POTEB3: variants seen among roughly 807,000 people sequenced by gnomAD.
POTEB3 encodes ANKRD26-like family B member 1.
In POTEB3, 5 loss-of-function variants were observed where a neutral mutation model predicts 39.8. The ratio of observed to expected loss-of-function variants is 0.13; its 90% CI spans 0.07 to 0.26. POTEB3 has a LOEUF of 0.26. POTEB3 is among the 10% of genes least tolerant of loss of function. The pLI, the probability that POTEB3 is intolerant of heterozygous loss-of-function variation, is 1.00. For missense variants in POTEB3, 24 were observed against 475.6 expected (o/e 0.05, Z 8.83); for synonymous variants, 5 against 161.5 (o/e 0.03, Z 7.35).
chr15:21,421,412 G>A, intron 7 of POTEB3, among the ~76,000 whole-genome samples: 2 of 138,680 alleles, frequency 1.4e-5, no homozygotes, highest in Non-Finnish European at 3.1e-5. Context: ...CTGAAATAAG[G>A]TAGAAGGTTA....
At chr15:21,430,866 C>A (rs1338431358) in intron 4 of POTEB3, among the ~76,000 whole-genome samples, 1 of 151,834 alleles carries the variant, frequency 6.6e-6, no homozygotes, top group Non-Finnish European at 1.5e-5. Flanking sequence ...GTTAATGATG[C>A]CAATAAGCAT....
chr15:21,431,319 A>AT (rs1898957257), intron 4 of POTEB3, among the ~76,000 whole-genome samples: 1 of 124,184 alleles, frequency 8.1e-6, no homozygotes, highest in South Asian at 2.8e-4. Context: ...AGACAAAAGG[A>AT]TTTTCAACTC....
chr15:21,432,954 TAA>T (rs60113861), intron 3 of POTEB3, among the ~76,000 whole-genome samples: 43 of 69,516 alleles, frequency 6.2e-4, no homozygotes, highest in African/African-American at 1.9e-3. Context: ...TCATCTCTAC[TAA>T]AAAAAAAAAA....
chr15:21,439,834 T>A lies in POTEB3; in HGVS notation c.178A>T (p.Lys60Ter), dbSNP rs1899203396. The change falls in exon 1 of 11, where the codon AAG becomes TAG. Residue 60 changes from lysine (K) to a stop codon, truncating the protein, a stop_gained. Coordinates refer to ENST00000611217, the MANE Select transcript of POTEB3 (RefSeq NM_207355.5). LOFTEE classifies it high-confidence loss of function. ...DDSFMKTLRS[K>*]MGKCCHHCFP... Reference sequence around the variant, plus strand: ...CAGTGGTGGCAACACTTGCCCATCTTGCTCCTGAGCGTCTTCATAAAGGAG... The same window carrying A: ...CAGTGGTGGCAACACTTGCCCATCTAGCTCCTGAGCGTCTTCATAAAGGAG... 1 of 1,537,842 alleles carries A rather than the reference T, an allele frequency of 6.5e-7. No homozygotes were observed. The highest frequency in any genetic ancestry group is 1.1e-5 in the South Asian group (1 of 88,158).
intron 10 of POTEB3, among the ~76,000 whole-genome samples, chr15:21,410,291 C>T (rs1403532671): frequency 2.2e-5 from 2 of 90,506 alleles, no homozygotes; most frequent in Non-Finnish European, 4.1e-5. Context: ...GAACAAAATA[C>T]TTATCAATAA....
intron 9 of POTEB3, among the ~76,000 whole-genome samples, chr15:21,413,506 TTATATATATA>T (rs1160375320): frequency 6.9e-4 from 1 of 1,452 alleles, no homozygotes; most frequent in Admixed American, 7.2e-3. Flanking sequence ...ATAAAGAAAA[TTATATATATA>T]TATATATATA....
chr15:21,426,073 T>G (rs1898687984), intron 6 of POTEB3: 1 of 374,552 alleles, frequency 2.7e-6, no homozygotes, highest in Non-Finnish European at 5.2e-6. Flanking sequence ...TGTCTCACAC[T>G]TTTGGTACTA....
intron 10 of POTEB3, among the ~76,000 whole-genome samples, chr15:21,409,669 G>A (rs12593143): frequency 1.0e-5 from 1 of 95,732 alleles, no homozygotes; most frequent in East Asian, 2.7e-4. Flanking sequence ...TATTTTTACA[G>A]TCAGTTATAA....
chr15:21,425,594 T>TAGAA (rs1218964380), intron 6 of POTEB3, among the ~76,000 whole-genome samples: 1 of 138,144 alleles, frequency 7.2e-6, no homozygotes, highest in Non-Finnish European at 1.6e-5. Flanking sequence ...AGAGAAATGT[T>TAGAA]TATTCTAAGC....
At chr15:21,412,902 C>CTTCA (rs1351871175) in intron 9 of POTEB3, among the ~76,000 whole-genome samples, 1 of 85,060 alleles carries the variant, frequency 1.2e-5, no homozygotes, top group Non-Finnish European at 2.2e-5. Context: ...AACTAAAAAG[C>CTTCA]TTCAGCACAG....
intron 3 of POTEB3, among the ~76,000 whole-genome samples, chr15:21,434,211 C>CACT (rs1899099766): frequency 7.3e-6 from 1 of 137,136 alleles, no homozygotes; most frequent in African/African-American, 2.9e-5. Flanking sequence ...TAAGCCTTGC[C>CACT]ACTGAGAGAT....
chr15:21,422,857 C>G (rs1336458362), intron 6 of POTEB3, among the ~76,000 whole-genome samples: 1 of 150,770 alleles, frequency 6.6e-6, no homozygotes, highest in Non-Finnish European at 1.5e-5. Context: ...TATAAGTTTG[C>G]CTATATAAGC....
chr15:21,418,032 T>A (rs1431315044), intron 9 of POTEB3, among the ~76,000 whole-genome samples: 1 of 102,554 alleles, frequency 9.8e-6, no homozygotes, highest in Non-Finnish European at 1.8e-5. Context: ...TTATTCACTT[T>A]ACAGTCCATA....
chr15:21,434,338 C>T (rs1227107313), intron 3 of POTEB3, among the ~76,000 whole-genome samples: 47 of 115,560 alleles, frequency 4.1e-4, no homozygotes, highest in Non-Finnish European at 5.5e-4. Flanking sequence ...ATTTCCAGGG[C>T]AAATTTTGTC....
intron 8 of POTEB3, among the ~76,000 whole-genome samples, chr15:21,419,909 T>C (rs1898467050): frequency 7.5e-6 from 1 of 132,532 alleles, no homozygotes; most frequent in African/African-American, 3.1e-5. Context: ...CCCTCCTTCA[T>C]TTTGTGCTTT....
At chr15:21,422,913 C>T (rs1898564496) in intron 6 of POTEB3, among the ~76,000 whole-genome samples, 1 of 145,682 alleles carries the variant, frequency 6.9e-6, no homozygotes, top group South Asian at 2.2e-4. Context: ...TGCAAATCCG[C>T]TGAGCTGGTG....
chr15:21,422,873 C>A (rs1898562538), intron 6 of POTEB3, among the ~76,000 whole-genome samples: 1 of 149,896 alleles, frequency 6.7e-6, no homozygotes, highest in African/African-American at 2.4e-5. Context: ...TAAGCCAAGC[C>A]CTGTCTTTGT....
At chr15:21,433,837 C>T (rs1232088261) in intron 3 of POTEB3, among the ~76,000 whole-genome samples, 1 of 151,362 alleles carries the variant, frequency 6.6e-6, no homozygotes, top group Non-Finnish European at 1.5e-5. Context: ...GTTATTCCTT[C>T]TACTCAAGGG....
chr15:21,419,789 A>AT (rs1460682315), intron 8 of POTEB3, among the ~76,000 whole-genome samples, 159 bp from the exon 9 acceptor site: 1 of 138,170 alleles, frequency 7.2e-6, no homozygotes, highest in Non-Finnish European at 1.6e-5. Context: ...TAACCGTATA[A>AT]TTTTAAGATG....
Sources: gnomAD v4.1 joint callset for allele counts (sites outside exome capture counted in the v4.1 genomes callset) on GRCh38, gnomAD v4.1.1 for gene constraint, MANE v1.5 for transcripts, NCBI Gene and HGNC (gene_info 2026-07-23, HGNC 2026-07-21) for gene names.